PTPRG: variants seen among roughly 807,000 people sequenced by gnomAD.
PTPRG encodes the protein protein tyrosine phosphatase receptor type G.
Under a neutral mutation model 165.3 loss-of-function variants are expected in PTPRG, and 102 were observed. That is an observed-to-expected ratio of 0.62 (90% CI 0.53 to 0.73). The LOEUF (loss-of-function observed/expected upper bound fraction) is 0.73. PTPRG is among the 30% of genes least tolerant of loss of function. PTPRG has a pLI of 0.00. For synonymous variants in PTPRG, 675 were observed against 669.5 expected, an observed-to-expected ratio of 1.01 and a Z score of -0.13; for missense variants, 1,866 against 1,861.4, an observed-to-expected ratio of 1.00 and a Z score of -0.05.
intron 4 of PTPRG, among the ~76,000 whole-genome samples, chr3:62,004,315 C>T (rs2041241540): frequency 1.3e-5 from 2 of 152,132 alleles, no homozygotes; most frequent in South Asian, 2.1e-4. Flanking sequence ...GTTCTGAAAC[C>T]TGCCCAATAG....
At chr3:61,945,584 A>AG (rs2039739300) in intron 2 of PTPRG, among the ~76,000 whole-genome samples, 1 of 149,928 alleles carries the variant, frequency 6.7e-6, no homozygotes, top group Non-Finnish European at 1.5e-5. Flanking sequence ...AAAAAAAAAA[A>AG]AAAAATGGAA....
intron 2 of PTPRG, among the ~76,000 whole-genome samples, chr3:61,928,048 T>C (rs1001355786): frequency 5.9e-5 from 9 of 152,166 alleles, no homozygotes; most frequent in Non-Finnish European, 1.2e-4. Flanking sequence ...AAAGTTGTGG[T>C]AGAAGATAAA....
At chr3:62,169,943 G>A (rs147897695) in intron 8 of PTPRG, among the ~76,000 whole-genome samples, 1 of 152,160 alleles carries the variant, frequency 6.6e-6, no homozygotes, top group Non-Finnish European at 1.5e-5. Flanking sequence ...TTGATGATAT[G>A]AAAGAGCCCA....
At chr3:61,620,980 C>G (rs1234712394) in intron 1 of PTPRG, among the ~76,000 whole-genome samples, 1 of 150,274 alleles carries the variant, frequency 6.7e-6, no homozygotes, top group African/African-American at 2.4e-5. Flanking sequence ...CTTCACTGAT[C>G]CCATTGCCTT....
intron 2 of PTPRG, among the ~76,000 whole-genome samples, chr3:61,821,239 G>T (rs186810650): frequency 1.3e-3 from 204 of 151,522 alleles, no homozygotes; most frequent in African/African-American, 4.4e-3. Context: ...GCGTGATCTT[G>T]GCTCACTGCA....
rs531344999 is a variant in PTPRG at position 62,191,412 on chromosome 3, G to A, written c.1034-57G>A. 122 of 1,546,558 alleles carry A rather than the reference G, an allele frequency of 7.9e-5. No homozygotes were observed. In the African/African-American group the frequency reaches 1.2e-3, roughly 15 times the overall value. ...TTGAGGCTGCAGTCCTTAGGGGCAC[G>A]GATTGAATGGCGCATTGTTCTGAAA... On this transcript the variant is annotated intron_variant, in intron 8 of 29. Coordinates refer to ENST00000474889, the MANE Select transcript of PTPRG (RefSeq NM_002841.4).
At position 62,281,538 on chromosome 3, in the gene PTPRG, CT is replaced by C. The variant is rs60919586; in HGVS notation, c.3766-12del. On this transcript the variant is annotated intron_variant, in intron 26 of 29. Coordinates refer to ENST00000474889, the MANE Select transcript of PTPRG (RefSeq NM_002841.4). ...CAAATCCTTGACAGAACTGCAGAGG[CT>C]TTTTTTTTTTTTGGATTCCAAAGGC... The C allele has an allele frequency of 0.028, 17,048 of 609,896 alleles. 15 individuals carry two copies. Among genetic ancestry groups the C allele is most frequent in the Middle Eastern group, 0.066 (132 of 1,994 alleles). 37.8% of individuals were successfully genotyped at this position (609,896 alleles called of 1,614,324 possible). A position where few individuals can be genotyped will look rare whatever the true frequency, so the allele number is the denominator to read the frequency against.
intron 1 of PTPRG, among the ~76,000 whole-genome samples, chr3:61,614,856 C>T (rs1238557705): frequency 6.6e-6 from 1 of 152,194 alleles, no homozygotes; most frequent in African/African-American, 2.4e-5. Flanking sequence ...TTAGCATCCT[C>T]ATTATTATGT....
chr3:61,928,002 C>G (rs760769551), intron 2 of PTPRG, among the ~76,000 whole-genome samples: 1 of 152,056 alleles, frequency 6.6e-6, no homozygotes, highest in African/African-American at 2.4e-5. Flanking sequence ...TTTCCTGTAC[C>G]GGTCACCTAG....
chr3:61,854,689 G>T (rs527633533), intron 2 of PTPRG, among the ~76,000 whole-genome samples: 5 of 152,126 alleles, frequency 3.3e-5, no homozygotes, highest in Admixed American at 6.5e-5. Context: ...GTCTTTTCCC[G>T]TAAGAAGAGC....
intron 4 of PTPRG, among the ~76,000 whole-genome samples, chr3:62,049,931 A>G (rs1700418256): frequency 6.6e-6 from 1 of 152,234 alleles, no homozygotes; most frequent in South Asian, 2.1e-4. Flanking sequence ...GTTAAATTGG[A>G]GAAATATTAG....
At chr3:61,713,417 C>T (rs976334441) in intron 1 of PTPRG, among the ~76,000 whole-genome samples, 4 of 151,632 alleles carry the variant, frequency 2.6e-5, no homozygotes, top group Admixed American at 6.6e-5. Flanking sequence ...GTGATCCACC[C>T]GCCTCGGCTT....
chr3:61,660,321 T>G (rs1575571063), intron 1 of PTPRG, among the ~76,000 whole-genome samples: 1 of 152,230 alleles, frequency 6.6e-6, no homozygotes, highest in East Asian at 1.9e-4. Context: ...TTTGGGAGTT[T>G]TAATGCAGGT....
rs575890314 is a variant in PTPRG, at chr3:61,931,697, G to C, written c.191-57928G>C. Among the ~76,000 whole-genome samples, 8 of 152,216 alleles carry C rather than the reference G, an allele frequency of 5.3e-5. No homozygotes were observed. The East Asian group carries it at 1.5e-3, about 29-fold the overall frequency. ...ACTGAGTCTATGTTGTTTACTTTCT[G>C]GTGGCTTCAAAGAATATCCAACCAC... is the stretch of plus-strand genomic sequence containing the variant. On this transcript the variant is annotated intron_variant, in intron 2 of 29. Coordinates refer to ENST00000474889, the MANE Select transcript of PTPRG (RefSeq NM_002841.4).
Position 61,933,066 on chromosome 3 carries a change from G to A in PTPRG, c.191-56559G>A, listed in dbSNP as rs943886057. On this transcript the variant is annotated intron_variant, in intron 2 of 29. Transcript: ENST00000474889. Reference sequence around the variant, plus strand: ...CAAAACTGAGCACAGCCTCTGCTGCGATCCTGTGATTGGGGTCCCCAAAGC... The same window carrying A: ...CAAAACTGAGCACAGCCTCTGCTGCAATCCTGTGATTGGGGTCCCCAAAGC... 7.2e-5 allele frequency among the ~76,000 whole-genome samples: 11 copies of A among 152,152 alleles called. No homozygotes were observed. The East Asian group carries it at 1.5e-3, about 21-fold the overall frequency.
chr3:61,968,958 TA>T (rs2040330213), intron 2 of PTPRG, among the ~76,000 whole-genome samples: 1 of 152,234 alleles, frequency 6.6e-6, no homozygotes, highest in Non-Finnish European at 1.5e-5. Flanking sequence ...CTGTACATTT[TA>T]CTGAACAGAT....
chr3:61,653,572 A>C (rs1295974354), intron 1 of PTPRG, among the ~76,000 whole-genome samples: 1 of 152,146 alleles, frequency 6.6e-6, no homozygotes. Context: ...AACAGTGAAC[A>C]AGGCTGATCC....
At chr3:62,286,504 T>G (rs1409701993) in intron 28 of PTPRG, among the ~76,000 whole-genome samples, 2 of 152,064 alleles carry the variant, frequency 1.3e-5, no homozygotes, top group Non-Finnish European at 2.9e-5. Context: ...CTCACAGGTA[T>G]TATCCTGACT....
At chr3:61,823,096 C>T (rs2036004318) in intron 2 of PTPRG, among the ~76,000 whole-genome samples, 1 of 152,186 alleles carries the variant, frequency 6.6e-6, no homozygotes, top group Non-Finnish European at 1.5e-5. Context: ...TTACCATCTA[C>T]TCCATCCCAT....
Sources: gnomAD v4.1 joint callset for allele counts (sites outside exome capture counted in the v4.1 genomes callset) on GRCh38, gnomAD v4.1.1 for gene constraint, MANE v1.5 for transcripts, NCBI Gene and HGNC (gene_info 2026-07-23, HGNC 2026-07-21) for gene names.